ORMDL3: variants seen among roughly 807,000 people sequenced by gnomAD.
ORMDL3 encodes ORM1-like protein 3.
A neutral mutation model predicts 12.6 loss-of-function variants in ORMDL3; 6 were observed. The ratio of observed to expected loss-of-function variants is 0.48; its 90% CI spans 0.26 to 0.94. ORMDL3 has a LOEUF of 0.94. Ranked by LOEUF, ORMDL3 falls within the 40% of genes least tolerant of loss-of-function variation. ORMDL3 has a pLI of 0.14. For missense variants in ORMDL3, 159 were observed against 205.5 expected, an observed-to-expected ratio of 0.77 and a Z score of 1.38; for synonymous variants, 99 against 87.2, an observed-to-expected ratio of 1.14 and a Z score of -0.75.
rs1978304983 is a variant in ORMDL3, at chr17:39,922,633, T to C, written c.379A>G (p.Asn127Asp). 3.5e-5 allele frequency: 57 copies of C among 1,613,870 alleles called. No homozygotes were observed. The highest frequency in any genetic ancestry group is 4.8e-5 in the Non-Finnish European group (57 of 1,179,984). Reference sequence around the variant, plus strand: ...AGCACGCTCATCAGGGACACGGTGTTGAGCACAAAATGGATCTGGTCGTAC... The same window carrying C: ...AGCACGCTCATCAGGGACACGGTGTCGAGCACAAAATGGATCTGGTCGTAC... ...TKYDQIHFVL[N>D]TVSLMSVLIP... The change falls in exon 4 of 4, where the codon AAC becomes GAC. Residue 127 changes from asparagine to aspartate, a missense_variant. Transcript: ENST00000304046.
Position 39,923,942 on chromosome 17 carries a change from G to A in ORMDL3, c.174+88C>T, listed in dbSNP as rs571544745. On this transcript the variant is annotated intron_variant, in intron 2 of 3. Transcript: ENST00000304046. ...TCACCCTGACACCTGGGCCAGGCCC[G>A]ACAGGCTCCTCCTATCCCTCAGCCC... The A allele has an allele frequency of 9.7e-5, 132 of 1,364,580 alleles. No individual in the cohort carries two copies. In the South Asian group the frequency reaches 1.8e-3, roughly 18 times the overall value. The allele number at this position is 1,364,580 out of a possible 1,614,324, so 84.5% of individuals were successfully genotyped here. A position where few individuals can be genotyped will look rare whatever the true frequency, so the allele number is the denominator to read the frequency against.
intron 1 of ORMDL3, chr17:39,926,975 G>A: frequency 1.0e-6 from 1 of 985,714 alleles, no homozygotes; most frequent in South Asian, 4.7e-5. Flanking sequence ...CAGCCACCCC[G>A]ACTGGGGGAG....
At chr17:39,923,760 C>G (rs1037225518) in intron 2 of ORMDL3, among the ~76,000 whole-genome samples, 1 of 152,114 alleles carries the variant, frequency 6.6e-6, no homozygotes, top group Non-Finnish European at 1.5e-5. Flanking sequence ...CTCTCAGGAG[C>G]ACATCTTCCA....
chr17:39,923,387 ATAT>A, intron 2 of ORMDL3, 124 bp from the exon 3 acceptor site: 1 of 1,143,166 alleles, frequency 8.7e-7, no homozygotes, highest in Non-Finnish European at 1.3e-6. Flanking sequence ...GGGCAGGGGG[ATAT>A]GGGCTGGAGG....
At chr17:39,923,693 T>A (rs967734428) in intron 2 of ORMDL3, among the ~76,000 whole-genome samples, 3 of 152,126 alleles carry the variant, frequency 2.0e-5, no homozygotes, top group African/African-American at 7.2e-5. Context: ...CATTTCTGTA[T>A]CAGCCTAGGC....
rs757685775 is a variant in ORMDL3 at position 39,924,212 on chromosome 17, C to T, written c.-9G>A. The T allele has an allele frequency of 1.3e-6, 2 of 1,595,800 alleles. No homozygotes were observed. The highest frequency in any genetic ancestry group is 2.2e-5 in the East Asian group (1 of 44,730). On this transcript the variant is annotated 5_prime_UTR_variant, in exon 2 of 4. Coordinates refer to ENST00000304046, the MANE Select transcript of ORMDL3 (RefSeq NM_139280.4). Reference sequence around the variant, plus strand: ...GCTGTGCCCACATTCATCCTGCTGCCCCTCTCTGCTGTTCTGCAAACAAGC... The same window carrying T: ...GCTGTGCCCACATTCATCCTGCTGCTCCTCTCTGCTGTTCTGCAAACAAGC...
intron 1 of ORMDL3, chr17:39,924,611 C>T (rs1255357562): frequency 1.0e-5 from 2 of 190,560 alleles, no homozygotes; most frequent in Non-Finnish European, 2.2e-5. Context: ...TCACTCAGCA[C>T]AACCCCTGCT....
Position 39,923,219 on chromosome 17 carries a change from C to A in ORMDL3, c.219G>T (p.Glu73Asp). ...GCCTCGCCTTGCCCTGGTCCGGGGT[C>A]TCAAAGGGTGTCCCCTTCACCGTGT... ...FLHTVKGTPF[E>D]TPDQGKARLL... The change falls in exon 3 of 4, where the codon GAG becomes GAT. Residue 73 changes from glutamate (E) to aspartate (D), a missense_variant. Physicochemically the swap from Glu to Asp is conservative, Grantham distance 45. Coordinates refer to ENST00000304046, the MANE Select transcript of ORMDL3 (RefSeq NM_139280.4). 1 of 1,614,196 alleles carries A rather than the reference C, an allele frequency of 6.2e-7. No homozygotes were observed. The highest frequency in any genetic ancestry group is 8.5e-7 in the Non-Finnish European group (1 of 1,180,024).
Position 39,922,487 on chromosome 17 carries a change from G to C in ORMDL3, c.*63C>G, listed in dbSNP as rs921453561. 3.9e-6 allele frequency: 6 copies of C among 1,542,080 alleles called. No homozygotes were observed. In the African/African-American group the frequency reaches 8.3e-5, roughly 21 times the overall value. On this transcript the variant is annotated 3_prime_UTR_variant, in exon 4 of 4. Transcript: ENST00000304046. ...GCTTCTTCTTTCTGTCTTCAGTGTT[G>C]CAGCACATGCCTTTTACCCTACCCC...
chr17:39,922,396 T>C lies in ORMDL3; in HGVS notation c.*154A>G. ...CCACTACAAGCTACTCCAAGTTGGC[T>C]ACTGGGGGAAGCGAGGGGGGAAATT... On this transcript the variant is annotated 3_prime_UTR_variant, in exon 4 of 4. Coordinates refer to ENST00000304046, the MANE Select transcript of ORMDL3 (RefSeq NM_139280.4). The C allele has an allele frequency of 1.1e-6, 1 of 938,982 alleles. No individual in the cohort carries two copies. Among genetic ancestry groups the C allele is most frequent in the Non-Finnish European group, 1.6e-6 (1 of 634,254 alleles). The allele number at this position is 938,982 out of a possible 1,614,324, so 58.2% of individuals were successfully genotyped here.
intron 3 of ORMDL3, among the ~76,000 whole-genome samples, 195 bp downstream of exon 3, chr17:39,922,917 G>A (rs984343027): frequency 1.3e-5 from 2 of 152,240 alleles, no homozygotes; most frequent in Admixed American, 6.5e-5. Context: ...CTAGCAGGAA[G>A]GAAGCTCCAA....
In ORMDL3 at chr17:39,927,556, A is replaced by G; in HGVS notation, c.-95T>C. The G allele has an allele frequency of 1.0e-6, 1 of 985,464 alleles. No homozygotes were observed. 61.0% of individuals were successfully genotyped at this position (985,464 alleles called of 1,614,324 possible). ...GGGCCGCTGCTGCTCCAGCAGCTGT[A>G]ACAACCCGCGGCTGCAGCCTCCCCG... On this transcript the variant is annotated 5_prime_UTR_variant, in exon 1 of 4. Transcript: ENST00000304046.
intron 1 of ORMDL3, 142 bp downstream of exon 1, chr17:39,927,342 C>G (rs1303929989): frequency 5.7e-6 from 3 of 527,040 alleles, no homozygotes; most frequent in South Asian, 8.3e-5. Flanking sequence ...CCAGCCGATG[C>G]ACCCCCTCGG....
chr17:39,925,743 G>T (rs539161398), intron 1 of ORMDL3: 1 of 152,266 alleles, frequency 6.6e-6, no homozygotes, highest in South Asian at 2.1e-4. Flanking sequence ...CCCACAACAC[G>T]CCATCCCAAC....
At chr17:39,923,049 G>C in intron 3 of ORMDL3, 63 bp downstream of exon 3, 1 of 1,593,972 alleles carries the variant, frequency 6.3e-7, no homozygotes, top group Non-Finnish European at 8.6e-7. Flanking sequence ...AGCATGGCTG[G>C]GCCCTGGGGT....
At chr17:39,923,363 A>G in intron 2 of ORMDL3, 100 bp from the exon 3 acceptor site, 1 of 1,367,492 alleles carries the variant, frequency 7.3e-7, no homozygotes, top group Non-Finnish European at 1.0e-6. Context: ...AGTGATCTGG[A>G]GCCTCCCTCT....
At chr17:39,923,089 C>T in intron 3 of ORMDL3, 23 bp downstream of exon 3, 1 of 1,613,822 alleles carries the variant, frequency 6.2e-7, no homozygotes, top group Non-Finnish European at 8.5e-7. Flanking sequence ...CTGCTGGTGT[C>T]TTCCTGTAGC....
rs184281908 is a variant in ORMDL3, at chr17:39,923,339, C to T, written c.175-76G>A. The T allele has an allele frequency of 4.5e-4, 680 of 1,510,756 alleles. 3 individuals carry two copies. In the African/African-American group the frequency reaches 8.4e-3, roughly 19 times the overall value. The allele number at this position is 1,510,756 out of a possible 1,614,324, so 93.6% of individuals were successfully genotyped here. ...CCCAGCTCCTCCACCCAGTCACAGACACAAGTAACTCCCAGTGATCTGGAG... is the reference window on the plus strand; with the variant it reads ...CCCAGCTCCTCCACCCAGTCACAGATACAAGTAACTCCCAGTGATCTGGAG... On this transcript the variant is annotated intron_variant, in intron 2 of 3. Coordinates refer to ENST00000304046, the MANE Select transcript of ORMDL3 (RefSeq NM_139280.4).
intron 1 of ORMDL3, 117 bp from the exon 2 acceptor site, chr17:39,924,342 C>T: frequency 1.1e-6 from 1 of 923,540 alleles, no homozygotes; most frequent in South Asian, 1.8e-5. Context: ...CAGTTCCACT[C>T]TTTTGATTCT....
Sources: allele counts gnomAD v4.1 joint callset (sites outside exome capture counted in the v4.1 genomes callset), GRCh38; gene constraint gnomAD v4.1.1; transcripts MANE v1.5; gene names NCBI Gene and HGNC (gene_info 2026-07-23, HGNC 2026-07-21).